BMERB1: variants seen among roughly 807,000 people sequenced by gnomAD.
The protein encoded by BMERB1 is bMERB domain-containing protein 1.
BMERB1 carries 12 observed loss-of-function variants against 23.6 expected under a neutral mutation model. The observed-to-expected ratio is 0.51, with a 90% CI of 0.33 to 0.82. The LOEUF (loss-of-function observed/expected upper bound fraction) is 0.82, where lower values mean the gene tolerates loss of function less well. Ranked by LOEUF, BMERB1 falls within the 40% of genes least tolerant of loss-of-function variation. The pLI is 0.03. For synonymous variants in BMERB1, 122 were observed against 96.6 expected (o/e 1.26, Z -1.54); for missense variants, 247 against 255.4 (o/e 0.97, Z 0.22).
intron 2 of BMERB1, among the ~76,000 whole-genome samples, chr16:15,547,367 GT>G (rs1407869180): frequency 7.1e-6 from 1 of 141,786 alleles, no homozygotes; most frequent in Admixed American, 7.2e-5. Context: ...TAGTGACAGA[GT>G]TTTGCTCTTG....
At chr16:15,478,321 C>T (rs934277128) in intron 1 of BMERB1, among the ~76,000 whole-genome samples, 12 of 152,082 alleles carry the variant, frequency 7.9e-5, no homozygotes, top group African/African-American at 2.7e-4. Flanking sequence ...CCACCATGCC[C>T]AGCTAATTTT....
chr16:15,543,127 T>C (rs2052102282), intron 2 of BMERB1, among the ~76,000 whole-genome samples: 1 of 152,016 alleles, frequency 6.6e-6, no homozygotes, highest in South Asian at 2.1e-4. Context: ...GAAGGGGAGC[T>C]GGAAAGGGGA....
chr16:15,564,567 T>A (rs2150970902), intron 2 of BMERB1, among the ~76,000 whole-genome samples: 1 of 152,298 alleles, frequency 6.6e-6, no homozygotes, highest in South Asian at 2.1e-4. Context: ...AAAGGAAAAA[T>A]TTTATCACTG....
intron 1 of BMERB1, among the ~76,000 whole-genome samples, chr16:15,492,937 G>C (rs113757273): frequency 2.6e-5 from 4 of 151,660 alleles, no homozygotes; most frequent in Non-Finnish European, 5.9e-5. Flanking sequence ...AGAAAAAAAA[G>C]AAGAAAGTGA....
intron 1 of BMERB1, among the ~76,000 whole-genome samples, chr16:15,467,874 G>T (rs890009503): frequency 6.6e-6 from 1 of 152,114 alleles, no homozygotes; most frequent in Non-Finnish European, 1.5e-5. Flanking sequence ...AGAAAGGCAG[G>T]ACAACTGGAA....
At chr16:15,448,775 G>A (rs755553852) in intron 1 of BMERB1, among the ~76,000 whole-genome samples, 15 of 152,166 alleles carry the variant, frequency 9.9e-5, no homozygotes, top group Non-Finnish European at 2.2e-4. Context: ...CTAGGCGACA[G>A]AGCAAGAATC....
chr16:15,517,070 A>G (rs931275306), intron 2 of BMERB1, among the ~76,000 whole-genome samples: 6 of 152,250 alleles, frequency 3.9e-5, no homozygotes, highest in Non-Finnish European at 7.3e-5. Context: ...CTTCCCATGC[A>G]TAATTCCTTT....
At chr16:15,500,344 G>A (rs751852821) in intron 1 of BMERB1, among the ~76,000 whole-genome samples, 51 of 152,230 alleles carry the variant, frequency 3.4e-4, no homozygotes, top group African/African-American at 9.9e-4. Context: ...GGAGGGTCTC[G>A]TGTGACCTGT....
intron 4 of BMERB1, among the ~76,000 whole-genome samples, chr16:15,582,646 G>A (rs570287093): frequency 1.3e-5 from 2 of 151,852 alleles, no homozygotes; most frequent in South Asian, 4.2e-4. Flanking sequence ...TTGAGCCCAG[G>A]AGTTCAAGGC....
chr16:15,458,857 AG>A (rs2051111138), intron 1 of BMERB1, among the ~76,000 whole-genome samples: 1 of 152,160 alleles, frequency 6.6e-6, no homozygotes. Flanking sequence ...CTGTAATCCC[AG>A]CACTTTGGGA....
intron 3 of BMERB1, among the ~76,000 whole-genome samples, chr16:15,574,924 C>G (rs1017235322): frequency 6.6e-6 from 1 of 152,030 alleles, no homozygotes; most frequent in East Asian, 1.9e-4. Context: ...ACTAAAATTA[C>G]AAAAATTAGC....
chr16:15,586,907 C>T lies in BMERB1; in HGVS notation c.*78C>T. 1.0e-6 allele frequency: 1 copy of T among 973,038 alleles called. No homozygotes were observed. Among genetic ancestry groups the T allele is most frequent in the Non-Finnish European group, 1.5e-6 (1 of 653,654 alleles). The allele number at this position is 973,038 out of a possible 1,614,324, so 60.3% of individuals were successfully genotyped here. A position where few individuals can be genotyped will look rare whatever the true frequency, so the allele number is the denominator to read the frequency against. On this transcript the variant is annotated 3_prime_UTR_variant, in exon 6 of 6. Transcript: ENST00000300006. ...TTATAGCCCCCATTTCACCGGGGCCCAAGAGCTCTCCAAGGCAGAAGGGGT... is the reference window on the plus strand; with the variant it reads ...TTATAGCCCCCATTTCACCGGGGCCTAAGAGCTCTCCAAGGCAGAAGGGGT...
At chr16:15,583,654 G>A (rs1009229733) in intron 5 of BMERB1, among the ~76,000 whole-genome samples, 1 of 151,412 alleles carries the variant, frequency 6.6e-6, no homozygotes, top group Non-Finnish European at 1.5e-5. Flanking sequence ...GCTTTCTAGA[G>A]ATCAGATCTA....
At chr16:15,436,489 C>T (rs969218169) in intron 1 of BMERB1, among the ~76,000 whole-genome samples, 3 of 152,088 alleles carry the variant, frequency 2.0e-5, no homozygotes, top group Non-Finnish European at 2.9e-5. Context: ...GAACTCCTGA[C>T]CTCAGGTGAT....
chr16:15,528,108 C>A (rs748219301), intron 2 of BMERB1, among the ~76,000 whole-genome samples: 2 of 152,146 alleles, frequency 1.3e-5, no homozygotes, highest in African/African-American at 4.8e-5. Flanking sequence ...GTTGCTGTAA[C>A]AAAATTCCTT....
chr16:15,512,851 C>G (rs2051688111), intron 1 of BMERB1, among the ~76,000 whole-genome samples: 1 of 151,520 alleles, frequency 6.6e-6, no homozygotes, highest in South Asian at 2.1e-4. Context: ...TGCACTCCAG[C>G]CTGGGCAACA....
intron 1 of BMERB1, among the ~76,000 whole-genome samples, chr16:15,492,994 T>G (rs542410466): frequency 2.8e-5 from 4 of 141,994 alleles, no homozygotes; most frequent in Non-Finnish European, 6.1e-5. Context: ...AACTCACAAC[T>G]TGTCTCACCA....
chr16:15,534,228 C>T (rs2051999339), intron 2 of BMERB1, among the ~76,000 whole-genome samples: 1 of 149,764 alleles, frequency 6.7e-6, no homozygotes, highest in African/African-American at 2.5e-5. Context: ...GTCCCTCCAG[C>T]CCCAGAGGAC....
At chr16:15,505,974 C>G (rs1302768563) in intron 1 of BMERB1, among the ~76,000 whole-genome samples, 1 of 151,254 alleles carries the variant, frequency 6.6e-6, no homozygotes, top group East Asian at 1.9e-4. Context: ...AAATTCTATG[C>G]AGTGTTGAGA....
Sources: gnomAD v4.1 joint callset for allele counts (sites outside exome capture counted in the v4.1 genomes callset) on GRCh38, gnomAD v4.1.1 for gene constraint, MANE v1.5 for transcripts, NCBI Gene and HGNC (gene_info 2026-07-23, HGNC 2026-07-21) for gene names.